Variants in MAGEC3 observed in about 807,000 individuals in gnomAD.
The protein encoded by MAGEC3 is melanoma-associated antigen C3.
MAGEC3 carries 34 observed loss-of-function variants against 35.3 expected under a neutral mutation model. The observed-to-expected ratio is 0.96, with a 90% CI of 0.73 to 1.28. The LOEUF is 1.28. Among genes scored for constraint, MAGEC3 ranks in the 50% most tolerant of loss-of-function variants. The pLI, the probability that MAGEC3 is intolerant of heterozygous loss-of-function variation, is 0.00. For synonymous variants in MAGEC3, 202 were observed against 185.6 expected, an observed-to-expected ratio of 1.09 and a Z score of -0.72; for missense variants, 561 against 483.6, an observed-to-expected ratio of 1.16 and a Z score of -1.50.
At chrX:141,840,166 C>A (rs2017677562) in intron 1 of MAGEC3, among the ~76,000 whole-genome samples, 1 of 111,611 alleles carries the variant, frequency 9.0e-6, no homozygotes, top group South Asian at 3.8e-4. Flanking sequence ...CAAAACTTAA[C>A]TGATATTTAA....
At chrX:141,893,642 C>CTGTGTGTG (rs770042816) in intron 4 of MAGEC3, among the ~76,000 whole-genome samples, 52 of 85,116 alleles carry the variant, frequency 6.1e-4, no homozygotes, top group African/African-American at 1.5e-3. Flanking sequence ...ATAGGAGACA[C>CTGTGTGTG]TGTGTGTGTG....
At chrX:141,871,200 CA>C (rs2017885520) in intron 2 of MAGEC3, among the ~76,000 whole-genome samples, 1 of 111,265 alleles carries the variant, frequency 9.0e-6, no homozygotes, top group Admixed American at 9.5e-5. Context: ...GGTAATTTCC[CA>C]ATTGGATTAT....
intron 4 of MAGEC3, among the ~76,000 whole-genome samples, chrX:141,894,092 G>GTGAAAGTTAAAACTATA (rs2124128263): frequency 8.9e-6 from 1 of 111,734 alleles, no homozygotes; most frequent in East Asian, 2.8e-4. Context: ...ATGACAAATT[G>GTGAAAGTTAAAACTATA]TGAAAGTTAA....
chrX:141,896,582 C>G, intron 6 of MAGEC3: 1 of 1,190,492 alleles, frequency 8.4e-7, no homozygotes, highest in East Asian at 3.0e-5. Context: ...CTGTCTTCCT[C>G]AGGCCTGTGG....
At chrX:141,852,479 T>C (rs1034602878) in intron 1 of MAGEC3, among the ~76,000 whole-genome samples, 3 of 110,967 alleles carry the variant, frequency 2.7e-5, no homozygotes, top group African/African-American at 9.8e-5. Context: ...TTCAGCTCTA[T>C]GTTGAATAGA....
chrX:141,843,215 T>C (rs1305656939), intron 1 of MAGEC3, among the ~76,000 whole-genome samples: 5 of 111,580 alleles, frequency 4.5e-5, no homozygotes, highest in African/African-American at 1.6e-4. Context: ...CAAGGCTATG[T>C]AGTTAGAAAA....
At chrX:141,885,993 T>C (rs1006021233) in intron 4 of MAGEC3, among the ~76,000 whole-genome samples, 1 of 111,287 alleles carries the variant, frequency 9.0e-6, no homozygotes, top group African/African-American at 3.3e-5. Flanking sequence ...CAGTGGGAAT[T>C]GTAGTCACTC....
chrX:141,845,904 T>C (rs1309967709), intron 1 of MAGEC3, among the ~76,000 whole-genome samples: 1 of 110,716 alleles, frequency 9.0e-6, no homozygotes, highest in Non-Finnish European at 1.9e-5. Context: ...ATTTGTAAAG[T>C]GGATATTATA....
intron 2 of MAGEC3, among the ~76,000 whole-genome samples, chrX:141,869,663 G>C (rs1027890192): frequency 2.1e-4 from 23 of 111,924 alleles, no homozygotes; most frequent in African/African-American, 7.1e-4. Flanking sequence ...AGGCGACACA[G>C]CTTGATTATA....
At chrX:141,872,603 C>T (rs914908665) in intron 2 of MAGEC3, among the ~76,000 whole-genome samples, 6 of 111,047 alleles carry the variant, frequency 5.4e-5, no homozygotes, top group Admixed American at 2.9e-4. Flanking sequence ...TTTTACCAGC[C>T]GGCTGAATTA....
rs573173296 is a variant in MAGEC3 at position 141,848,588 on chromosome X, A to G, written c.123+10150A>G. On this transcript the variant is annotated intron_variant, in intron 1 of 7. Coordinates refer to ENST00000298296, the MANE Select transcript of MAGEC3 (RefSeq NM_138702.1). ...CTAAGCAAGTAGGTGAAAGATCTCTACAAGGAGAACTACAAAGCATAGAGA... is the reference window on the plus strand; with the variant it reads ...CTAAGCAAGTAGGTGAAAGATCTCTGCAAGGAGAACTACAAAGCATAGAGA... Among the ~76,000 whole-genome samples, 16 of 111,381 alleles carry G rather than the reference A, an allele frequency of 1.4e-4. 1 individual carries two copies. The South Asian group carries it at 4.8e-3, about 33-fold the overall frequency.
At chrX:141,864,865 G>C (rs1383326574) in intron 1 of MAGEC3, among the ~76,000 whole-genome samples, 1 of 112,101 alleles carries the variant, frequency 8.9e-6, no homozygotes, top group Non-Finnish European at 1.9e-5. Flanking sequence ...AAACACAATA[G>C]TGTTCAAGAT....
chrX:141,889,443 A>G lies in MAGEC3; in HGVS notation c.910-5826A>G, dbSNP rs192490342. On this transcript the variant is annotated intron_variant, in intron 4 of 7. Transcript: ENST00000298296. ...TTCCAGAGGGAGAAACGCTGCCGCC[A>G]GGAGACACAACAATGATTCCATTAA... 3.9e-3 allele frequency among the ~76,000 whole-genome samples: 431 copies of G among 111,586 alleles called. 2 individuals carry two copies. The highest frequency in any genetic ancestry group is 6.0e-3 in the Non-Finnish European group (320 of 53,133).
chrX:141,879,543 T>A (rs1288521356), intron 3 of MAGEC3, 112 bp downstream of exon 3: 2 of 871,823 alleles, frequency 2.3e-6, no homozygotes, highest in East Asian at 7.1e-5. Flanking sequence ...CAGGAAGGGG[T>A]GGAGGGGGCC....
intron 4 of MAGEC3, chrX:141,894,736 G>A: frequency 1.0e-6 from 1 of 970,457 alleles, no homozygotes; most frequent in East Asian, 7.5e-5. Flanking sequence ...TCCCAACACG[G>A]AGGGAAGGCC....
At chrX:141,882,525 A>G (rs1258274122) in intron 4 of MAGEC3, among the ~76,000 whole-genome samples, 1 of 112,265 alleles carries the variant, frequency 8.9e-6, no homozygotes, top group Non-Finnish European at 1.9e-5. Context: ...TCAGCAGTTA[A>G]ATAGTGGAAC....
intron 4 of MAGEC3, among the ~76,000 whole-genome samples, chrX:141,887,971 A>G (rs1481544384): frequency 8.9e-6 from 1 of 112,264 alleles, no homozygotes; most frequent in African/African-American, 3.2e-5. Context: ...TGAACTGCCT[A>G]TCATGAACTG....
chrX:141,854,688 A>T (rs1410371791), intron 1 of MAGEC3, among the ~76,000 whole-genome samples: 3 of 111,522 alleles, frequency 2.7e-5, no homozygotes, highest in Non-Finnish European at 5.7e-5. Context: ...TGTAAGTCCA[A>T]TTAAACCTTA....
intron 1 of MAGEC3, among the ~76,000 whole-genome samples, chrX:141,842,198 G>A (rs1176234429): frequency 9.0e-6 from 1 of 111,265 alleles, no homozygotes; most frequent in African/African-American, 3.3e-5. Context: ...AACAAGGCAC[G>A]ACACAACATT....
Sources: gnomAD v4.1 joint callset for allele counts (sites outside exome capture counted in the v4.1 genomes callset) on GRCh38, gnomAD v4.1.1 for gene constraint, MANE v1.5 for transcripts, NCBI Gene and HGNC (gene_info 2026-07-23, HGNC 2026-07-21) for gene names.